Variants in DPP10 observed in about 807,000 individuals in gnomAD.
DPP10 encodes the protein dipeptidyl peptidase like 10.
In DPP10, 33 loss-of-function variants were observed where a neutral mutation model predicts 120.9. The observed-to-expected ratio is 0.27, with a 90% CI of 0.21 to 0.37. DPP10 has a LOEUF of 0.37. Ranked by LOEUF, DPP10 falls within the 10% of genes least tolerant of loss-of-function variation. DPP10 has a pLI of 1.00. For synonymous variants in DPP10, 337 were observed against 326.1 expected (o/e 1.03, Z -0.36); for missense variants, 816 against 942.8 (o/e 0.87, Z 1.76).
intron 1 of DPP10, among the ~76,000 whole-genome samples, chr2:115,263,382 A>G (rs1317912073): frequency 6.6e-6 from 1 of 152,204 alleles, no homozygotes; most frequent in Admixed American, 6.5e-5. Context: ...GTTGTGGCTT[A>G]ATGTCTAATT....
intron 3 of DPP10, among the ~76,000 whole-genome samples, chr2:115,434,845 C>T (rs924249156): frequency 6.6e-6 from 1 of 151,768 alleles, no homozygotes; most frequent in Non-Finnish European, 1.5e-5. Flanking sequence ...CAATACCCTT[C>T]CCAGCCTCTG....
At chr2:115,067,595 G>T (rs2105432083) in intron 1 of DPP10, among the ~76,000 whole-genome samples, 1 of 142,616 alleles carries the variant, frequency 7.0e-6, no homozygotes, top group Admixed American at 6.9e-5. Context: ...CGGGCGCGGT[G>T]GCTCACGCCT....
At chr2:114,498,896 C>T (rs575965755) in intron 1 of DPP10, among the ~76,000 whole-genome samples, 10 of 152,288 alleles carry the variant, frequency 6.6e-5, no homozygotes, top group African/African-American at 2.4e-4. Flanking sequence ...TGGAACCAAC[C>T]TTAAGTGTCC....
intron 3 of DPP10, among the ~76,000 whole-genome samples, chr2:115,394,118 C>A (rs948586488): frequency 6.6e-6 from 1 of 152,020 alleles, no homozygotes; most frequent in African/African-American, 2.4e-5. Context: ...AATTTGGAAT[C>A]GATTCTAAAA....
At chr2:115,783,074 G>T (rs1682955698) in intron 17 of DPP10, among the ~76,000 whole-genome samples, 1 of 151,948 alleles carries the variant, frequency 6.6e-6, no homozygotes, top group Non-Finnish European at 1.5e-5. Flanking sequence ...TTCCATGTTT[G>T]TATCCTTCTT....
At chr2:115,255,210 G>T (rs1270451986) in intron 1 of DPP10, among the ~76,000 whole-genome samples, 2 of 152,172 alleles carry the variant, frequency 1.3e-5, no homozygotes, top group Non-Finnish European at 2.9e-5. Flanking sequence ...GCACCTGCAG[G>T]CTCAACACCA....
chr2:115,106,005 T>C (rs949394627), intron 1 of DPP10, among the ~76,000 whole-genome samples: 1 of 152,208 alleles, frequency 6.6e-6, no homozygotes, highest in African/African-American at 2.4e-5. Context: ...ACAGGTCAGA[T>C]TAACTTCTGA....
At chr2:114,454,542 C>A (rs1248274167) in intron 1 of DPP10, among the ~76,000 whole-genome samples, 1 of 152,162 alleles carries the variant, frequency 6.6e-6, no homozygotes, top group East Asian at 1.9e-4. Flanking sequence ...CTCTAAGGAA[C>A]TAGTTTTTGT....
At chr2:115,427,649 C>A (rs186840593) in intron 3 of DPP10, among the ~76,000 whole-genome samples, 29 of 152,330 alleles carry the variant, frequency 1.9e-4, no homozygotes, top group Admixed American at 3.9e-4. Context: ...CCCTGGGCCT[C>A]TGATGGGAGG....
chr2:114,443,039 C>T (rs1403694114), intron 1 of DPP10, among the ~76,000 whole-genome samples: 1 of 151,366 alleles, frequency 6.6e-6, no homozygotes, highest in African/African-American at 2.4e-5. Flanking sequence ...ACACTTCTTT[C>T]ATCTTCATGA....
At chr2:115,283,601 A>T (rs780739735) in intron 1 of DPP10, among the ~76,000 whole-genome samples, 3 of 152,028 alleles carry the variant, frequency 2.0e-5, no homozygotes, top group Non-Finnish European at 4.4e-5. Flanking sequence ...TTTTACTCTT[A>T]GTTCAGTTTT....
At chr2:114,790,682 G>A (rs1683163897) in intron 1 of DPP10, among the ~76,000 whole-genome samples, 1 of 151,890 alleles carries the variant, frequency 6.6e-6, no homozygotes, top group African/African-American at 2.4e-5. Flanking sequence ...GGTTCGCAAG[G>A]TGCTCAGTGG....
intron 3 of DPP10, among the ~76,000 whole-genome samples, chr2:115,436,389 A>G (rs1056848448): frequency 7.9e-5 from 9 of 113,318 alleles, no homozygotes; most frequent in South Asian, 3.0e-4. Flanking sequence ...AGACAAGCAC[A>G]TTGCAAAAAG....
chr2:114,977,849 CT>C (rs113944879), intron 1 of DPP10, among the ~76,000 whole-genome samples: 3,435 of 143,054 alleles, frequency 0.024, 86 homozygotes, highest in African/African-American at 0.064. Flanking sequence ...TTTCTTTTTT[CT>C]TTTTTTTTTT....
Position 115,378,162 on chromosome 2 carries a change from C to A in DPP10, c.271+34250C>A, listed in dbSNP as rs920764219. On this transcript the variant is annotated intron_variant, in intron 3 of 25. Transcript: ENST00000410059. ...CTTGGGCAGTATGGCCATTTTCACG[C>A]TATTGATTCTTCCTACCCATGAGCA... Among the ~76,000 whole-genome samples, 71 of 152,154 alleles carry A rather than the reference C, an allele frequency of 4.7e-4. No individual in the cohort carries two copies. In the East Asian group the frequency reaches 5.0e-3, roughly 11 times the overall value.
intron 2 of DPP10, among the ~76,000 whole-genome samples, chr2:115,322,337 A>G (rs185427252): frequency 1.3e-5 from 2 of 152,126 alleles, no homozygotes; most frequent in East Asian, 1.9e-4. Context: ...TTTCTGTTTG[A>G]TTATTCTGTT....
chr2:114,814,248 G>C (rs949674906), intron 1 of DPP10, among the ~76,000 whole-genome samples: 1 of 152,120 alleles, frequency 6.6e-6, no homozygotes, highest in Non-Finnish European at 1.5e-5. Context: ...GCTTTCAGAG[G>C]ATGGCAGCTA....
chr2:114,759,462 A>G (rs529324567), intron 1 of DPP10, among the ~76,000 whole-genome samples: 1 of 149,224 alleles, frequency 6.7e-6, no homozygotes, highest in East Asian at 2.1e-4. Flanking sequence ...GGGTGCTGTA[A>G]ATCTTTTTTT....
chr2:114,545,434 C>G (rs1157289614), intron 1 of DPP10, among the ~76,000 whole-genome samples: 1 of 152,112 alleles, frequency 6.6e-6, no homozygotes. Flanking sequence ...TCTTAGCATT[C>G]CAGAATGAAC....
Sources: gnomAD v4.1 joint callset for allele counts (sites outside exome capture counted in the v4.1 genomes callset) on GRCh38, gnomAD v4.1.1 for gene constraint, MANE v1.5 for transcripts, NCBI Gene and HGNC (gene_info 2026-07-23, HGNC 2026-07-21) for gene names.